The following MBTPS1 variants were observed in gnomAD, a reference collection of about 807,000 sequenced individuals.
MBTPS1 encodes the protein membrane bound transcription factor peptidase, site 1, also known as membrane-bound transcription factor site-1 protease.
In MBTPS1, 94 loss-of-function variants were observed where a neutral mutation model predicts 127.8. The observed-to-expected ratio is 0.74, with a 90% CI of 0.62 to 0.87. The LOEUF (loss-of-function observed/expected upper bound fraction) is 0.87, where lower values mean the gene tolerates loss of function less well. Ranked by LOEUF, MBTPS1 falls within the 40% of genes least tolerant of loss-of-function variation. The probability of loss-of-function intolerance (pLI) is 0.00; values close to 1 mark genes in which losing one functional copy is unlikely to be tolerated. For synonymous variants in MBTPS1, 632 were observed against 509.4 expected, an observed-to-expected ratio of 1.24 and a Z score of -3.24; for missense variants, 1,636 against 1,353.2, an observed-to-expected ratio of 1.21 and a Z score of -3.28.
At chr16:84,073,524 T>C (rs1038801841) in intron 12 of MBTPS1, among the ~76,000 whole-genome samples, 1 of 152,158 alleles carries the variant, frequency 6.6e-6, no homozygotes, top group African/African-American at 2.4e-5. Flanking sequence ...AAAATAAGTA[T>C]TGCAGATAAG....
chr16:84,101,142 T>C (rs931573619), intron 2 of MBTPS1, among the ~76,000 whole-genome samples: 1 of 149,946 alleles, frequency 6.7e-6, no homozygotes, highest in Non-Finnish European at 1.5e-5. Flanking sequence ...CTACTAAAAA[T>C]AGAAAAAATT....
chr16:84,070,473 T>C (rs1180461886), intron 13 of MBTPS1, 115 bp downstream of exon 13: 7 of 1,061,858 alleles, frequency 6.6e-6, no homozygotes, highest in Admixed American at 2.4e-5. Context: ...CCATCGAGGA[T>C]AAGCCTATCT....
chr16:84,111,953 C>A (rs1282124882), intron 1 of MBTPS1, among the ~76,000 whole-genome samples: 3 of 151,072 alleles, frequency 2.0e-5, no homozygotes, highest in Non-Finnish European at 2.9e-5. Flanking sequence ...GTAATCCCAG[C>A]ACTTTGGGAA....
chr16:84,095,831 G>C (rs369147016), intron 3 of MBTPS1, 26 bp from the exon 4 acceptor site: 2 of 1,595,386 alleles, frequency 1.3e-6, no homozygotes, highest in East Asian at 2.2e-5. Flanking sequence ...AGAAAGATCA[G>C]AACAGAAGAG....
intron 11 of MBTPS1, chr16:84,081,493 A>G (rs2085939356): frequency 6.7e-6 from 2 of 297,500 alleles, no homozygotes; most frequent in African/African-American, 2.1e-5. Flanking sequence ...AAAGTAAACA[A>G]CAAAAGCAAA....
intron 5 of MBTPS1, 64 bp from the exon 6 acceptor site, chr16:84,093,361 T>C (rs965645346): frequency 2.7e-6 from 3 of 1,091,778 alleles, no homozygotes; most frequent in Non-Finnish European, 4.2e-6. Context: ...GGACGCAACA[T>C]TCCAGGCCAT....
At chr16:84,083,023 T>C (rs1271784146) in intron 10 of MBTPS1, among the ~76,000 whole-genome samples, 1 of 152,128 alleles carries the variant, frequency 6.6e-6, no homozygotes, top group African/African-American at 2.4e-5. Context: ...ATATCTGTAC[T>C]TAAAGAAGCT....
chr16:84,084,377 G>A (rs755088776), intron 10 of MBTPS1, among the ~76,000 whole-genome samples: 7 of 152,202 alleles, frequency 4.6e-5, no homozygotes, highest in Non-Finnish European at 7.3e-5. Flanking sequence ...AGTCCCTGGT[G>A]GCTCTGACAT....
At chr16:84,085,788 G>A (rs1339346279) in intron 9 of MBTPS1, among the ~76,000 whole-genome samples, 1 of 151,830 alleles carries the variant, frequency 6.6e-6, no homozygotes, top group Non-Finnish European at 1.5e-5. Context: ...ACCAGAAACT[G>A]GAAACTGCTT....
chr16:84,088,098 T>A (rs1359385393), intron 8 of MBTPS1, among the ~76,000 whole-genome samples: 2 of 152,010 alleles, frequency 1.3e-5, no homozygotes, highest in East Asian at 3.9e-4. Context: ...GTGAAATAAA[T>A]AATGGCAAAA....
chr16:84,086,596 G>A (rs1239460186), intron 9 of MBTPS1: 2 of 152,236 alleles, frequency 1.3e-5, no homozygotes, highest in Admixed American at 6.5e-5. Flanking sequence ...CCTGTAAAGT[G>A]GCTACAGTGT....
chr16:84,085,575 C>T (rs1363454415), intron 9 of MBTPS1, among the ~76,000 whole-genome samples: 1 of 95,840 alleles, frequency 1.0e-5, no homozygotes, highest in Non-Finnish European at 2.3e-5. Context: ...GCACCCGCCC[C>T]CCCCCCAAAA....
Position 84,070,706 on chromosome 16 carries a change from A to G in MBTPS1, c.1664T>C (p.Leu555Ser), listed in dbSNP as rs750398846. 5 of 1,614,146 alleles carry G rather than the reference A, an allele frequency of 3.1e-6. No homozygotes were observed. The Admixed American group carries it at 5.0e-5, about 16-fold the overall frequency. ...GGCCAGGTAGCCCGACCAAGGCCAT[A>G]AGACCGAGGAGTAGGAGAAGGCAAC... ...IEVAFSYSSV[L>S]WPWSGYLAIS... is the part of the protein sequence containing the mutation. Residue 555 changes from leucine (L) to serine (S), a missense_variant, in exon 13 of 23, where the codon TTA becomes TCA. Leu to Ser is a moderately radical substitution (Grantham distance 145, BLOSUM62 -2). Coordinates refer to ENST00000343411, the MANE Select transcript of MBTPS1 (RefSeq NM_003791.4).
rs928020479 is a variant in MBTPS1, at chr16:84,057,671, A to C, written c.2832-1536T>G. ...GGTCTCAAATCTCTTTTGGAGACTC[A>C]GAATATGCGTCGATCTAGGTCTCTG... On this transcript the variant is annotated intron_variant, in intron 21 of 22. Coordinates refer to ENST00000343411, the MANE Select transcript of MBTPS1 (RefSeq NM_003791.4). 8 of 152,392 alleles carry C rather than the reference A, an allele frequency of 5.2e-5. No homozygotes were observed. In the South Asian group the frequency reaches 1.7e-3, roughly 32 times the overall value. 9.4% of individuals were successfully genotyped at this position (152,392 alleles called of 1,614,324 possible). A position where few individuals can be genotyped will look rare whatever the true frequency, so the allele number is the denominator to read the frequency against.
Position 84,103,456 on chromosome 16 carries a change from C to G in MBTPS1, c.-324-1349G>C, listed in dbSNP as rs561973164. ...GGATTTTAATATAGAGAAGCAGTCT[C>G]GGCATTTTGTCCAGGCTGGTCTCAA... is the stretch of plus-strand genomic sequence containing the variant. On this transcript the variant is annotated intron_variant, in intron 1 of 22. Transcript: ENST00000343411. Among the ~76,000 whole-genome samples, 47 of 152,084 alleles carry G rather than the reference C, an allele frequency of 3.1e-4. 1 individual carries two copies. In the South Asian group the frequency reaches 9.3e-3, roughly 30 times the overall value.
intron 6 of MBTPS1, 124 bp from the exon 7 acceptor site, chr16:84,091,972 C>A: frequency 1.6e-6 from 1 of 637,944 alleles, no homozygotes; most frequent in Middle Eastern, 4.3e-4. Context: ...TTACTTAAAA[C>A]CAGAAATGAA....
chr16:84,067,608 C>T (rs1453604457), intron 16 of MBTPS1, 59 bp downstream of exon 16: 8 of 1,316,718 alleles, frequency 6.1e-6, no homozygotes, highest in Non-Finnish European at 8.6e-6. Flanking sequence ...TAAGTATTTG[C>T]TGGGTAGAAT....
chr16:84,055,973 T>G (rs780551492), intron 22 of MBTPS1, 32 bp downstream of exon 22: 1 of 1,600,050 alleles, frequency 6.2e-7, no homozygotes, highest in Non-Finnish European at 8.5e-7. Context: ...ACAGGATGAC[T>G]GAGCACAATC....
Position 84,054,479 on chromosome 16 carries a change from C to T in MBTPS1, c.3129G>A (p.Gln1043=). The change falls in exon 23 of 23, where the codon CAG becomes CAA. Residue 1043 remains glutamine (Q), a synonymous_variant. Transcript: ENST00000343411. The stretch of plus-strand genomic sequence containing the variant: ...CCGAAGGGGTCTTTGGCGGGTGAAC[C>T]TGCTGCATGAGCTGCGGGCGCTTCA... The part of the protein sequence containing the change: ...PRVKRPQLMQ[Q]VHPPKTPSV The T allele has an allele frequency of 6.2e-7, 1 of 1,610,624 alleles. No homozygotes were observed.
Sources: allele counts gnomAD v4.1 joint callset (sites outside exome capture counted in the v4.1 genomes callset), GRCh38; gene constraint gnomAD v4.1.1; transcripts MANE v1.5; gene names NCBI Gene and HGNC (gene_info 2026-07-23, HGNC 2026-07-21).